The following ARID4A variants were observed in gnomAD, a reference collection of about 807,000 sequenced individuals.
The protein encoded by ARID4A is AT-rich interaction domain 4A, also known as AT-rich interactive domain-containing protein 4A.
ARID4A carries 39 observed loss-of-function variants against 148.6 expected under a neutral mutation model. The observed-to-expected ratio is 0.26, with a 90% CI of 0.20 to 0.34. The LOEUF is 0.34. ARID4A is among the 10% of genes least tolerant of loss of function. ARID4A has a pLI of 1.00. For synonymous variants in ARID4A, 475 were observed against 481.2 expected (o/e 0.99, Z 0.17); for missense variants, 1,265 against 1,449.1 (o/e 0.87, Z 2.06).
At chr14:58,305,448 G>T (rs757142337) in intron 4 of ARID4A, among the ~76,000 whole-genome samples, 1 of 151,818 alleles carries the variant, frequency 6.6e-6, no homozygotes, top group Non-Finnish European at 1.5e-5. Context: ...TGCATTTCTG[G>T]CCATTTGTTT....
In ARID4A at chr14:58,364,427, G is replaced by T; in HGVS notation, c.2338G>T (p.Glu780Ter). ...QIFGNKMEKT[E>*]EVKKEAEKSP... Reference sequence around the variant, plus strand: ...TTTTGGGAACAAAATGGAAAAAACAGAAGAAGTTAAGAAAGAAGCCGAAAA... The same window carrying T: ...TTTTGGGAACAAAATGGAAAAAACATAAGAAGTTAAGAAAGAAGCCGAAAA... Residue 780 changes from glutamate to a stop codon, truncating the protein, a stop_gained, in exon 20 of 24, where the codon GAA (glutamate) becomes TAA (stop). Coordinates refer to ENST00000355431, the MANE Select transcript of ARID4A (RefSeq NM_002892.4). LOFTEE classifies it high-confidence loss of function. 6.2e-7 allele frequency: 1 copy of T among 1,612,882 alleles called. No individual in the cohort carries two copies. Among genetic ancestry groups the T allele is most frequent in the Non-Finnish European group, 8.5e-7 (1 of 1,179,774 alleles).
intron 17 of ARID4A, 132 bp from the exon 18 acceptor site, chr14:58,359,000 C>A: frequency 1.0e-6 from 1 of 987,992 alleles, no homozygotes. Context: ...CTGTGCCCTT[C>A]ATATTCTTGC....
chr14:58,307,721 G>A (rs2031716762), intron 5 of ARID4A, among the ~76,000 whole-genome samples: 1 of 152,218 alleles, frequency 6.6e-6, no homozygotes, highest in African/African-American at 2.4e-5. Context: ...TCAGTAGGCT[G>A]AGGCAGGAGA....
At chr14:58,366,610 A>T (rs1375735235) in intron 22 of ARID4A, among the ~76,000 whole-genome samples, 3 of 152,214 alleles carry the variant, frequency 2.0e-5, no homozygotes. Context: ...AATTATAGAT[A>T]GGTCAGGGTT....
chr14:58,340,502 G>T (rs1051514337), intron 11 of ARID4A, among the ~76,000 whole-genome samples: 1 of 151,992 alleles, frequency 6.6e-6, no homozygotes, highest in Admixed American at 6.6e-5. Context: ...GGCGCACAAC[G>T]CCACGCCCAG....
chr14:58,350,129 C>T (rs1055520094), intron 15 of ARID4A, among the ~76,000 whole-genome samples: 1 of 143,872 alleles, frequency 7.0e-6, no homozygotes. Flanking sequence ...AAAAAAAGCA[C>T]CTGCCACCTG....
chr14:58,313,370 A>T (rs1041044859), intron 5 of ARID4A, among the ~76,000 whole-genome samples: 2 of 152,190 alleles, frequency 1.3e-5, no homozygotes, highest in Non-Finnish European at 2.9e-5. Context: ...TAAGGAATGC[A>T]CAACCTATTG....
chr14:58,303,672 C>T (rs890340165), intron 3 of ARID4A: 7 of 341,434 alleles, frequency 2.1e-5, no homozygotes, highest in Middle Eastern at 3.9e-4. Context: ...TAAAGGGTCC[C>T]TCCAGACCAG....
chr14:58,312,379 C>A (rs930852394), intron 5 of ARID4A, among the ~76,000 whole-genome samples: 2 of 151,950 alleles, frequency 1.3e-5, no homozygotes, highest in African/African-American at 4.8e-5. Flanking sequence ...ATCACCCTGG[C>A]TAATTTTTAT....
At chr14:58,331,620 A>T (rs2033524635) in intron 11 of ARID4A, 1 of 152,208 alleles carries the variant, frequency 6.6e-6, no homozygotes, top group Non-Finnish European at 1.5e-5. Context: ...AAGGACTCAG[A>T]ACCAAGCGAT....
intron 5 of ARID4A, among the ~76,000 whole-genome samples, chr14:58,309,203 A>AT (rs2031833118): frequency 6.6e-6 from 1 of 152,140 alleles, no homozygotes; most frequent in African/African-American, 2.4e-5. Context: ...GCAGCCCTGA[A>AT]TTCCTGGGCT....
chr14:58,337,106 G>A (rs967264893), intron 11 of ARID4A, among the ~76,000 whole-genome samples: 1 of 150,442 alleles, frequency 6.6e-6, no homozygotes, highest in Non-Finnish European at 1.5e-5. Flanking sequence ...TGGCCAGGCT[G>A]GTCTCGAACT....
At chr14:58,299,748 C>T in intron 1 of ARID4A, 50 bp from the exon 2 acceptor site, 1 of 1,514,244 alleles carries the variant, frequency 6.6e-7, no homozygotes, top group African/African-American at 1.4e-5. Flanking sequence ...CTTGGTCGCT[C>T]CCCGCAGTTG....
chr14:58,305,869 A>G (rs2031560437), intron 4 of ARID4A, among the ~76,000 whole-genome samples, 153 bp from the exon 5 acceptor site: 1 of 152,230 alleles, frequency 6.6e-6, no homozygotes, highest in African/African-American at 2.4e-5. Context: ...TAATAAATAG[A>G]TAAGTACTAT....
intron 11 of ARID4A, among the ~76,000 whole-genome samples, chr14:58,337,857 C>G (rs548484948): frequency 6.6e-6 from 1 of 152,144 alleles, no homozygotes; most frequent in Non-Finnish European, 1.5e-5. Flanking sequence ...TGATGGTAAC[C>G]CTTTATTGGC....
intron 5 of ARID4A, among the ~76,000 whole-genome samples, chr14:58,315,555 C>G (rs1245870593): frequency 6.6e-6 from 1 of 152,054 alleles, no homozygotes; most frequent in Non-Finnish European, 1.5e-5. Flanking sequence ...GTATCGTCAT[C>G]TTTGGTATTG....
chr14:58,310,151 A>G (rs1208303847), intron 5 of ARID4A, among the ~76,000 whole-genome samples: 1 of 152,008 alleles, frequency 6.6e-6, no homozygotes, highest in Admixed American at 6.6e-5. Context: ...TATTCCCATG[A>G]TATTTTCTTA....
intron 11 of ARID4A, among the ~76,000 whole-genome samples, chr14:58,340,593 G>A (rs550762698): frequency 5.9e-5 from 9 of 152,076 alleles, no homozygotes; most frequent in South Asian, 2.1e-4. Flanking sequence ...CAGGCAATCC[G>A]CCCATCTCGG....
At chr14:58,365,687 T>C in intron 21 of ARID4A, 65 bp downstream of exon 21, 1 of 1,392,482 alleles carries the variant, frequency 7.2e-7, no homozygotes, top group Non-Finnish European at 1.0e-6. Context: ...TTGGCTTGTT[T>C]TAAACATAAA....
Sources: gnomAD v4.1 joint callset for allele counts (sites outside exome capture counted in the v4.1 genomes callset) on GRCh38, gnomAD v4.1.1 for gene constraint, MANE v1.5 for transcripts, NCBI Gene and HGNC (gene_info 2026-07-23, HGNC 2026-07-21) for gene names.